DYNC2H1: variants seen among roughly 807,000 people sequenced by gnomAD.
The protein encoded by DYNC2H1 is cytoplasmic dynein 2 heavy chain 1.
In DYNC2H1, 410 loss-of-function variants were observed where a neutral mutation model predicts 570.0. That is an observed-to-expected ratio of 0.72 (90% CI 0.66 to 0.78). The LOEUF is 0.78. DYNC2H1 is among the 30% of genes least tolerant of loss of function. The pLI is 0.00. For missense variants in DYNC2H1, 4,865 were observed against 5,046.4 expected, an observed-to-expected ratio of 0.96 and a Z score of 1.09; for synonymous variants, 1,688 against 1,677.6, an observed-to-expected ratio of 1.01 and a Z score of -0.15.
intron 85 of DYNC2H1, among the ~76,000 whole-genome samples, chr11:103,448,919 C>CT (rs35174261): frequency 0.36 from 54,036 of 151,820 alleles, 10,193 homozygotes; most frequent in African/African-American, 0.48. Flanking sequence ...ATCAAAGATT[C>CT]TTTTTTTTCC....
chr11:103,252,100 ATT>A lies in DYNC2H1; in HGVS notation c.10043-1171_10043-1170del, dbSNP rs35814518. Reference sequence around the variant, plus strand: ...CCATCATGCCCAGCTAATTAAAAACATTTTTTTTTTTTTTTGCAAAGACGAGG... The same window carrying A: ...CCATCATGCCCAGCTAATTAAAAACATTTTTTTTTTTTTGCAAAGACGAGG... On this transcript the variant is annotated intron_variant, in intron 65 of 88. Coordinates refer to ENST00000375735, the MANE Select transcript of DYNC2H1 (RefSeq NM_001377.3). The surrounding 1 kb of genome is among the most constrained non-coding windows in gnomAD (Gnocchi z 4.6). Among the ~76,000 whole-genome samples, 17,953 of 142,318 alleles carry A rather than the reference ATT, an allele frequency of 0.13. 1,438 individuals carry two copies. The highest frequency in any genetic ancestry group is 0.25 in the African/African-American group (9,656 of 38,892). 93.4% of individuals were successfully genotyped at this position (142,318 alleles called of 152,430 possible).
intron 6 of DYNC2H1, among the ~76,000 whole-genome samples, chr11:103,120,154 T>G (rs1011778700): frequency 2.6e-5 from 4 of 152,180 alleles, no homozygotes; most frequent in Non-Finnish European, 5.9e-5. Context: ...TTTAAACAGT[T>G]TTTTAAACTG....
intron 82 of DYNC2H1, among the ~76,000 whole-genome samples, chr11:103,327,015 T>TC (rs1210026049): frequency 6.6e-6 from 1 of 152,128 alleles, no homozygotes; most frequent in African/African-American, 2.4e-5. Flanking sequence ...ATTCCATAGG[T>TC]CCAAGGTGAG....
chr11:103,466,200 A>G (rs1342220596), intron 87 of DYNC2H1, among the ~76,000 whole-genome samples: 1 of 152,212 alleles, frequency 6.6e-6, no homozygotes, highest in African/African-American at 2.4e-5. Flanking sequence ...TGGAAGGACT[A>G]TTTGATAAAT....
At position 103,244,862 on chromosome 11, in the gene DYNC2H1, A is replaced by G. The variant is rs899177746; in HGVS notation, c.9919-389A>G. ...CTTTTATATATATGTACACACACACATATATATATACACACACATACCACA... is the reference window on the plus strand; with the variant it reads ...CTTTTATATATATGTACACACACACGTATATATATACACACACATACCACA... On this transcript the variant is annotated intron_variant, in intron 64 of 88. Coordinates refer to ENST00000375735, the MANE Select transcript of DYNC2H1 (RefSeq NM_001377.3). This position sits in a 1 kb window ranked among gnomAD's most constrained non-coding sequence, Gnocchi z 4.3. Among the ~76,000 whole-genome samples the G allele has an allele frequency of 2.7e-5, 4 of 150,864 alleles. No homozygotes were observed. Among genetic ancestry groups the G allele is most frequent in the East Asian group, 1.9e-4 (1 of 5,158 alleles).
chr11:103,234,207 G>GA, intron 61 of DYNC2H1, 47 bp downstream of exon 61: 1 of 1,535,142 alleles, frequency 6.5e-7, no homozygotes, highest in South Asian at 1.2e-5. Context: ...TAAACTGCAG[G>GA]AAATCTATAA....
In DYNC2H1 at chr11:103,410,658, G is replaced by T. The variant is rs893508418; in HGVS notation, c.12366+10786G>T. 2.6e-5 allele frequency among the ~76,000 whole-genome samples: 4 copies of T among 152,072 alleles called. No homozygotes were observed. In the East Asian group the frequency reaches 7.7e-4, roughly 29 times the overall value. ...AACCCCAGTTTGGATCTTAGCTGTC[G>T]TGTCTTCAGGATATTAAAGCCACAT... is the stretch of plus-strand genomic sequence containing the variant. On this transcript the variant is annotated intron_variant, in intron 84 of 88. Coordinates refer to ENST00000375735, the MANE Select transcript of DYNC2H1 (RefSeq NM_001377.3).
intron 18 of DYNC2H1, among the ~76,000 whole-genome samples, chr11:103,143,774 A>G (rs1591310525): frequency 6.6e-6 from 1 of 152,116 alleles, no homozygotes; most frequent in African/African-American, 2.4e-5. Context: ...CTTCCTTTCA[A>G]GATGTCCTGG....
At position 103,161,063 on chromosome 11, in the gene DYNC2H1, A is replaced by C; in HGVS notation, c.4491+19A>C. 1 of 1,291,038 alleles carries C rather than the reference A, an allele frequency of 7.7e-7. No homozygotes were observed. The highest frequency in any genetic ancestry group is 1.0e-6 in the Non-Finnish European group (1 of 952,736). The allele number at this position is 1,291,038 out of a possible 1,614,324, so 80.0% of individuals were successfully genotyped here. A position where few individuals can be genotyped will look rare whatever the true frequency, so the allele number is the denominator to read the frequency against. ...TGTAGAGGTAAGCAATTCTTTTTCA[A>C]ATATGAAAACAAAAAGAATTAACTA... On this transcript the variant is annotated intron_variant, in intron 29 of 88. Coordinates refer to ENST00000375735, the MANE Select transcript of DYNC2H1 (RefSeq NM_001377.3).
intron 82 of DYNC2H1, among the ~76,000 whole-genome samples, chr11:103,348,620 A>T (rs1939879217): frequency 6.6e-6 from 1 of 152,130 alleles, no homozygotes; most frequent in African/African-American, 2.4e-5. Context: ...TGTGTTATGT[A>T]TATTAGGAGC....
At chr11:103,109,905 C>T in intron 1 of DYNC2H1, 136 bp downstream of exon 1, 4 of 922,786 alleles carry the variant, frequency 4.3e-6, no homozygotes, top group Non-Finnish European at 4.7e-6. Context: ...CTCCACTTCT[C>T]CTGCATTATT....
intron 18 of DYNC2H1, 149 bp from the exon 19 acceptor site, chr11:103,147,623 A>G: frequency 1.8e-6 from 1 of 548,340 alleles, no homozygotes; most frequent in South Asian, 2.9e-5. Flanking sequence ...ATTTTTGCTA[A>G]ATTAAATCTA....
chr11:103,354,808 T>A (rs1197164650), intron 82 of DYNC2H1, among the ~76,000 whole-genome samples: 8 of 25,076 alleles, frequency 3.2e-4, no homozygotes, highest in African/African-American at 5.7e-4. Flanking sequence ...TTGTAAGATC[T>A]TTTTTTTTTT....
intron 37 of DYNC2H1, among the ~76,000 whole-genome samples, chr11:103,176,912 G>A (rs1861842955): frequency 6.6e-6 from 1 of 151,916 alleles, no homozygotes; most frequent in Non-Finnish European, 1.5e-5. Context: ...CACCATGTTG[G>A]CCAGGCTGGT....
intron 61 of DYNC2H1, among the ~76,000 whole-genome samples, chr11:103,235,315 C>G (rs145606391): frequency 3.4e-4 from 52 of 151,904 alleles, no homozygotes; most frequent in African/African-American, 1.2e-3. Flanking sequence ...GGTCTTCATG[C>G]TGTAGCTTTG....
At chr11:103,307,078 G>C (rs1291527139) in intron 77 of DYNC2H1, among the ~76,000 whole-genome samples, 1 of 152,136 alleles carries the variant, frequency 6.6e-6, no homozygotes, top group African/African-American at 2.4e-5. Flanking sequence ...GTAATAATTT[G>C]TCAGAGTACA....
At chr11:103,423,692 T>C (rs2511497) in intron 84 of DYNC2H1, among the ~76,000 whole-genome samples, 100,188 of 151,362 alleles carry the variant, frequency 0.66, 34,691 homozygotes, top group African/African-American at 0.88. Flanking sequence ...AGACATATAC[T>C]TAACAAAGGA....
chr11:103,126,904 C>T (rs923506422), intron 12 of DYNC2H1, among the ~76,000 whole-genome samples: 3 of 152,186 alleles, frequency 2.0e-5, no homozygotes, highest in African/African-American at 7.2e-5. Context: ...TCCCAAAGTG[C>T]TGGGATTACA....
At chr11:103,376,367 T>C (rs1166860056) in intron 83 of DYNC2H1, among the ~76,000 whole-genome samples, 1 of 152,246 alleles carries the variant, frequency 6.6e-6, no homozygotes, top group Non-Finnish European at 1.5e-5. Context: ...TGTTTTCTGG[T>C]TGTTTTTTAG....
Sources: allele counts gnomAD v4.1 joint callset (sites outside exome capture counted in the v4.1 genomes callset), GRCh38; gene constraint gnomAD v4.1.1; non-coding constraint Gnocchi (gnomAD v3.1); transcripts MANE v1.5; gene names NCBI Gene and HGNC (gene_info 2026-07-23, HGNC 2026-07-21).